ZNF787: variants seen among roughly 807,000 people sequenced by gnomAD.
The protein encoded by ZNF787 is zinc finger protein 787.
A neutral mutation model predicts 16.9 loss-of-function variants in ZNF787; 7 were observed. The observed-to-expected ratio is 0.42, with a 90% confidence interval of 0.24 to 0.78. ZNF787 has a LOEUF of 0.78. Among genes scored for constraint, ZNF787 ranks in the 30% least tolerant of loss-of-function variants. ZNF787 has a pLI of 0.30. For synonymous variants in ZNF787, 345 were observed against 270.9 expected, an observed-to-expected ratio of 1.27 and a Z score of -2.69; for missense variants, 551 against 589.3, an observed-to-expected ratio of 0.94 and a Z score of 0.67.
chr19:56,118,617 G>A (rs528125925), intron 1 of ZNF787, among the ~76,000 whole-genome samples: 3 of 152,316 alleles, frequency 2.0e-5, no homozygotes, highest in Non-Finnish European at 4.4e-5. Flanking sequence ...TTAGGACAGT[G>A]AGGACCAGGC....
chr19:56,097,627 T>C (rs1286281955), intron 2 of ZNF787, among the ~76,000 whole-genome samples: 3 of 152,240 alleles, frequency 2.0e-5, no homozygotes, highest in Non-Finnish European at 4.4e-5. Flanking sequence ...TGTGGAACTT[T>C]TATTTTGGTC....
At chr19:56,096,609 A>G (rs1225522492) in intron 2 of ZNF787, among the ~76,000 whole-genome samples, 1 of 152,130 alleles carries the variant, frequency 6.6e-6, no homozygotes, top group Non-Finnish European at 1.5e-5. Context: ...GCTACTCAGG[A>G]GGCTGAGGCA....
intron 2 of ZNF787, among the ~76,000 whole-genome samples, chr19:56,089,890 T>C (rs1985506202): frequency 1.3e-5 from 2 of 152,262 alleles, no homozygotes; most frequent in East Asian, 1.9e-4. Context: ...CCGGGAGGGA[T>C]GGGCTTGCCT....
chr19:56,106,551 A>C (rs1372014064), intron 1 of ZNF787, among the ~76,000 whole-genome samples: 1 of 152,214 alleles, frequency 6.6e-6, no homozygotes, highest in African/African-American at 2.4e-5. Flanking sequence ...ACCAACCATT[A>C]GCAAAGCCCA....
chr19:56,107,878 G>T (rs897273757), intron 1 of ZNF787, among the ~76,000 whole-genome samples: 5 of 149,300 alleles, frequency 3.3e-5, no homozygotes, highest in African/African-American at 1.3e-4. Flanking sequence ...GGCTGCGGAA[G>T]AGAGAGCTTG....
chr19:56,102,405 C>T lies in ZNF787; in HGVS notation c.79+734G>A, dbSNP rs566199100. 4.4e-5 allele frequency: 7 copies of T among 158,796 alleles called. No individual in the cohort carries two copies. In the South Asian group the frequency reaches 1.3e-3, roughly 31 times the overall value. The allele number at this position is 158,796 out of a possible 1,614,324, so 9.8% of individuals were successfully genotyped here. A position where few individuals can be genotyped will look rare whatever the true frequency, so the allele number is the denominator to read the frequency against. ...AGGAGAGAAGCTGCCGCACCTTATTCCTCAGGTCTGAGGCAGGGAGGCGGC... is the reference window on the plus strand; with the variant it reads ...AGGAGAGAAGCTGCCGCACCTTATTTCTCAGGTCTGAGGCAGGGAGGCGGC... On this transcript the variant is annotated intron_variant, in intron 2 of 2. Coordinates refer to ENST00000610935, the MANE Select transcript of ZNF787 (RefSeq NM_001002836.4).
At chr19:56,111,357 G>A (rs1163655891) in intron 1 of ZNF787, among the ~76,000 whole-genome samples, 1 of 152,168 alleles carries the variant, frequency 6.6e-6, no homozygotes, top group Admixed American at 6.5e-5. Context: ...TGGAATTCCT[G>A]GTCACTTCAC....
chr19:56,120,235 C>G (rs918141215), intron 1 of ZNF787, among the ~76,000 whole-genome samples: 1 of 152,262 alleles, frequency 6.6e-6, no homozygotes, highest in East Asian at 1.9e-4. Flanking sequence ...TCCACTCACT[C>G]CTGCCTTCTG....
At chr19:56,101,221 GGGGACGCATGTAGGC>G (rs1986086348) in intron 2 of ZNF787, among the ~76,000 whole-genome samples, 3 of 148,414 alleles carry the variant, frequency 2.0e-5, no homozygotes, top group Non-Finnish European at 4.5e-5. Flanking sequence ...GTCACATAGG[GGGGACGCATGTAGGC>G]GGGACCCCAC....
rs945034014 is a variant in ZNF787, at chr19:56,102,905, C to A, written c.79+234G>T. On this transcript the variant is annotated intron_variant, in intron 2 of 2. Transcript: ENST00000610935. ...AGGAAGTCAGGCAGAGAAGGTGGCC[C>A]CCAGGGGTCCCCAAGATCATCCAGC... is the stretch of plus-strand genomic sequence containing the variant. The A allele has an allele frequency of 2.0e-5, 14 of 704,398 alleles. No individual in the cohort carries two copies. In the African/African-American group the frequency reaches 2.4e-4, roughly 12 times the overall value. 43.6% of individuals were successfully genotyped at this position (704,398 alleles called of 1,614,324 possible). A position where few individuals can be genotyped will look rare whatever the true frequency, so the allele number is the denominator to read the frequency against.
At chr19:56,093,420 G>A (rs1039779929) in intron 2 of ZNF787, among the ~76,000 whole-genome samples, 8 of 152,100 alleles carry the variant, frequency 5.3e-5, no homozygotes, top group African/African-American at 1.9e-4. Context: ...CAATGCTACT[G>A]CTACCACTGC....
In ZNF787 at chr19:56,088,143, C is replaced by T; in HGVS notation, c.1029G>A (p.Ala343=). ...RRHKKIHAVG[A]PSVCSSCGQS... is the part of the protein sequence containing the mutation. ...GTCCGCAGCTGCTGCAGACCGAGGGCGCGCCCACCGCGTGGATCTTCTTGT... is the reference window on the plus strand; with the variant it reads ...GTCCGCAGCTGCTGCAGACCGAGGGTGCGCCCACCGCGTGGATCTTCTTGT... Residue 343 remains alanine, a synonymous_variant, in exon 3 of 3, where the codon GCG becomes GCA. Transcript: ENST00000610935. This position sits in a 1 kb window ranked among gnomAD's most constrained non-coding sequence, Gnocchi z 8.6. 2.6e-6 allele frequency: 4 copies of T among 1,553,300 alleles called. No homozygotes were observed. Among genetic ancestry groups the T allele is most frequent in the Non-Finnish European group, 2.6e-6 (3 of 1,155,276 alleles).
intron 1 of ZNF787, among the ~76,000 whole-genome samples, chr19:56,107,123 G>A (rs1477760160): frequency 2.6e-5 from 4 of 152,140 alleles, no homozygotes; most frequent in Non-Finnish European, 4.4e-5. Context: ...TGCTCTAAAC[G>A]GCTGACGAAC....
rs1985376841 is a variant in ZNF787 at position 56,088,001 on chromosome 19, C to CA, written c.*21_*22insT. The CA allele has an allele frequency of 6.7e-5, 1 of 14,856 alleles. No homozygotes were observed. The highest frequency in any genetic ancestry group is 4.7e-4 in the East Asian group (1 of 2,130). The allele number at this position is 14,856 out of a possible 1,614,324, so 0.9% of individuals were successfully genotyped here. A position where few individuals can be genotyped will look rare whatever the true frequency, so the allele number is the denominator to read the frequency against. ...CGCCAAGCCCGAGGGGCCCTGCCCG[C>CA]CCCCCCCCCCGGGCCCCTCCCCTAC... is the stretch of plus-strand genomic sequence containing the variant. On this transcript the variant is annotated 3_prime_UTR_variant, in exon 3 of 3. Coordinates refer to ENST00000610935, the MANE Select transcript of ZNF787 (RefSeq NM_001002836.4). This position sits in a 1 kb window ranked among gnomAD's most constrained non-coding sequence, Gnocchi z 8.6.
At chr19:56,107,787 G>A (rs1237630399) in intron 1 of ZNF787, among the ~76,000 whole-genome samples, 1 of 152,114 alleles carries the variant, frequency 6.6e-6, no homozygotes, top group Non-Finnish European at 1.5e-5. Context: ...GCAGCGTGGA[G>A]GGGAGGGGAC....
intron 2 of ZNF787, 53 bp from the exon 3 acceptor site, chr19:56,089,145 G>T: frequency 1.5e-6 from 2 of 1,338,056 alleles, no homozygotes; most frequent in Non-Finnish European, 2.0e-6. Flanking sequence ...AGGGCTCCAC[G>T]CCTGCCTTGG....
intron 2 of ZNF787, among the ~76,000 whole-genome samples, chr19:56,101,374 G>A (rs1404462360): frequency 4.6e-5 from 7 of 152,274 alleles, no homozygotes; most frequent in East Asian, 1.9e-4. Flanking sequence ...GGCCCTCCCC[G>A]GAGCCAGCTG....
At chr19:56,099,426 A>T (rs916997964) in intron 2 of ZNF787, among the ~76,000 whole-genome samples, 1 of 152,154 alleles carries the variant, frequency 6.6e-6, no homozygotes, top group Non-Finnish European at 1.5e-5. Flanking sequence ...AGAAAGGGGG[A>T]GTCACACCAG....
rs1399500285 is a variant in ZNF787, at chr19:56,087,788, TAGGAAGGGC to T, written c.*226_*234del. 1 of 591,426 alleles carries T rather than the reference TAGGAAGGGC, an allele frequency of 1.7e-6. No homozygotes were observed. The highest frequency in any genetic ancestry group is 2.4e-6 in the Non-Finnish European group (1 of 417,768). The allele number at this position is 591,426 out of a possible 1,614,324, so 36.6% of individuals were successfully genotyped here. The stretch of plus-strand genomic sequence containing the variant: ...CTCTCCGGCTCGCAGGCCGATAACT[TAGGAAGGGC>T]GGGCCAGGCTGAGGGGGCAGAGTCT... On this transcript the variant is annotated 3_prime_UTR_variant, in exon 3 of 3. Coordinates refer to ENST00000610935, the MANE Select transcript of ZNF787 (RefSeq NM_001002836.4).
Sources: gnomAD v4.1 joint callset for allele counts (sites outside exome capture counted in the v4.1 genomes callset) on GRCh38, gnomAD v4.1.1 for gene constraint, Gnocchi (gnomAD v3.1) non-coding constraint, MANE v1.5 for transcripts, NCBI Gene and HGNC (gene_info 2026-07-23, HGNC 2026-07-21) for gene names.